The following DIAPH2 variants were observed in gnomAD, a reference collection of about 807,000 sequenced individuals.
The protein encoded by DIAPH2 is protein diaphanous homolog 2.
A neutral mutation model predicts 92.7 loss-of-function variants in DIAPH2; 35 were observed. The observed-to-expected ratio is 0.38, with a 90% CI of 0.29 to 0.50. DIAPH2 has a LOEUF of 0.50. Among genes scored for constraint, DIAPH2 ranks in the 20% least tolerant of loss-of-function variants. The pLI is 0.94. For synonymous variants in DIAPH2, 301 were observed against 280.4 expected, an observed-to-expected ratio of 1.07 and a Z score of -0.73; for missense variants, 701 against 819.5, an observed-to-expected ratio of 0.86 and a Z score of 1.77.
At chrX:96,893,732 ACTGT>A (rs1228814617) in intron 5 of DIAPH2, among the ~76,000 whole-genome samples, 2 of 112,238 alleles carry the variant, frequency 1.8e-5, no homozygotes, top group Non-Finnish European at 3.8e-5. Flanking sequence ...CTCCCCTTGG[ACTGT>A]CTATCATCTC....
intron 25 of DIAPH2, among the ~76,000 whole-genome samples, chrX:97,423,299 G>A (rs2070028890): frequency 9.0e-6 from 1 of 111,640 alleles, no homozygotes; most frequent in African/African-American, 3.3e-5. Flanking sequence ...ACAGAAAAAG[G>A]CCATCAGTGC....
chrX:96,838,109 T>C (rs1212826567), intron 4 of DIAPH2, among the ~76,000 whole-genome samples: 2 of 112,193 alleles, frequency 1.8e-5, no homozygotes, highest in African/African-American at 6.5e-5. Flanking sequence ...CTTTATCTTC[T>C]AAGAATGGAA....
intron 17 of DIAPH2, among the ~76,000 whole-genome samples, chrX:96,973,212 AATACGCTG>A (rs1234765993): frequency 8.9e-6 from 1 of 112,161 alleles, no homozygotes; most frequent in Non-Finnish European, 1.9e-5. Context: ...TTAAAAATAT[AATACGCTG>A]AGCGTCGTGA....
chrX:96,943,780 T>C (rs1003383059), intron 13 of DIAPH2, among the ~76,000 whole-genome samples: 1 of 111,597 alleles, frequency 9.0e-6, no homozygotes, highest in Non-Finnish European at 1.9e-5. Flanking sequence ...CAGGTACTTA[T>C]GATTCTTTAC....
At chrX:96,778,955 C>A (rs1424299162) in intron 4 of DIAPH2, among the ~76,000 whole-genome samples, 1 of 111,384 alleles carries the variant, frequency 9.0e-6, no homozygotes, top group African/African-American at 3.3e-5. Flanking sequence ...GAAGTATCTT[C>A]CCTATTTGTC....
At chrX:97,118,275 T>C (rs2067030158) in intron 21 of DIAPH2, among the ~76,000 whole-genome samples, 1 of 111,869 alleles carries the variant, frequency 8.9e-6, no homozygotes, top group African/African-American at 3.2e-5. Flanking sequence ...CTTTGGGATA[T>C]ATCAGCTCCA....
Position 97,137,270 on chromosome X carries a change from C to CATATATATATATATATATAT in DIAPH2, c.2590-4382_2590-4363dup, listed in dbSNP as rs57799375. Among the ~76,000 whole-genome samples, 100 of 68,231 alleles carry CATATATATATATATATATAT rather than the reference C, an allele frequency of 1.5e-3. 3 individuals carry two copies. Among genetic ancestry groups the CATATATATATATATATATAT allele is most frequent in the African/African-American group, 4.1e-3 (66 of 15,989 alleles). The allele number at this position is 68,231 out of a possible 115,157, so 59.3% of individuals were successfully genotyped here. A position where few individuals can be genotyped will look rare whatever the true frequency, so the allele number is the denominator to read the frequency against. On this transcript the variant is annotated intron_variant, in intron 21 of 26. Coordinates refer to ENST00000324765, the MANE Select transcript of DIAPH2 (RefSeq NM_006729.5). ...GGGGTCATATATAAACGCAGTTATA[C>CATATATATATATATATATAT]ATATATATATATATATATATATATA...
intron 22 of DIAPH2, among the ~76,000 whole-genome samples, chrX:97,151,733 A>G (rs2067287479): frequency 9.0e-6 from 1 of 111,637 alleles, no homozygotes; most frequent in Non-Finnish European, 1.9e-5. Flanking sequence ...CTTCAATGTC[A>G]GTAAAAAGAA....
intron 22 of DIAPH2, among the ~76,000 whole-genome samples, chrX:97,163,260 CCCCT>C (rs1421419403): frequency 9.0e-6 from 1 of 111,361 alleles, no homozygotes; most frequent in East Asian, 2.8e-4. Context: ...GCCTCGAACC[CCCCT>C]GGTCTCAAGA....
At chrX:97,035,738 G>A (rs1028852623) in intron 17 of DIAPH2, among the ~76,000 whole-genome samples, 2 of 111,275 alleles carry the variant, frequency 1.8e-5, no homozygotes, top group Middle Eastern at 4.7e-3. Flanking sequence ...ACTGGACATG[G>A]TGCCTCATGC....
At chrX:96,869,652 G>A (rs1392251680) in intron 4 of DIAPH2, among the ~76,000 whole-genome samples, 1 of 110,178 alleles carries the variant, frequency 9.1e-6, no homozygotes, top group South Asian at 4.0e-4. Flanking sequence ...CCTAGTGGCA[G>A]GTCTTTGCTT....
chrX:97,250,935 A>T (rs1359974738), intron 23 of DIAPH2, among the ~76,000 whole-genome samples: 1 of 111,916 alleles, frequency 8.9e-6, no homozygotes, highest in African/African-American at 3.2e-5. Flanking sequence ...GAAAAAACAT[A>T]GACAAAAAAC....
At chrX:97,587,004 A>G (rs2071483334) in intron 26 of DIAPH2, among the ~76,000 whole-genome samples, 1 of 112,323 alleles carries the variant, frequency 8.9e-6, no homozygotes, top group Non-Finnish European at 1.9e-5. Flanking sequence ...CTAATTTTTA[A>G]ACCAAAATGC....
chrX:96,881,501 A>G, intron 4 of DIAPH2, 78 bp from the exon 5 acceptor site: 1 of 888,189 alleles, frequency 1.1e-6, no homozygotes, highest in Admixed American at 3.6e-5. Context: ...TATATAACAA[A>G]ATAAATATTC....
At chrX:96,761,787 CCTCTGTCTTTTCGGTGGGAGGAAATAA>C (rs1167753495) in intron 4 of DIAPH2, among the ~76,000 whole-genome samples, 1 of 110,544 alleles carries the variant, frequency 9.0e-6, no homozygotes, top group African/African-American at 3.3e-5. Context: ...ACAAATACGA[CCTCTGTCTTTTCGGTGGGAGGAAATAA>C]TTGAGGTCAA....
intron 17 of DIAPH2, among the ~76,000 whole-genome samples, chrX:96,990,797 A>G (rs2066064374): frequency 9.0e-6 from 1 of 111,150 alleles, no homozygotes; most frequent in African/African-American, 3.3e-5. Flanking sequence ...GAAGAGTTAT[A>G]TTTGCTATCA....
intron 4 of DIAPH2, among the ~76,000 whole-genome samples, chrX:96,844,342 T>G (rs765460066): frequency 8.9e-6 from 1 of 112,560 alleles, no homozygotes; most frequent in African/African-American, 3.2e-5. Context: ...ATCAATCAAT[T>G]TTTTCTTTTT....
At chrX:96,882,533 A>C (rs2065220376) in intron 5 of DIAPH2, among the ~76,000 whole-genome samples, 1 of 111,617 alleles carries the variant, frequency 9.0e-6, no homozygotes. Context: ...TTAACTAACT[A>C]CAAAGGATTG....
chrX:96,818,122 G>GCTCC (rs2064751908), intron 4 of DIAPH2, among the ~76,000 whole-genome samples: 1 of 33,873 alleles, frequency 3.0e-5, no homozygotes, highest in Non-Finnish European at 4.3e-5. Flanking sequence ...GGGACGGCAG[G>GCTCC]TGCCCGCCAA....
Sources: allele counts gnomAD v4.1 joint callset (sites outside exome capture counted in the v4.1 genomes callset), GRCh38; gene constraint gnomAD v4.1.1; transcripts MANE v1.5; gene names NCBI Gene and HGNC (gene_info 2026-07-23, HGNC 2026-07-21).